The following POFUT2 variants were observed in gnomAD, a reference collection of about 807,000 sequenced individuals.
The protein encoded by POFUT2 is protein O-fucosyltransferase 2.
A neutral mutation model predicts 55.0 loss-of-function variants in POFUT2; 30 were observed. The ratio of observed to expected loss-of-function variants is 0.55; its 90% confidence interval spans 0.41 to 0.74. POFUT2 has a LOEUF of 0.74. POFUT2 is among the 30% of genes least tolerant of loss of function. The pLI, the probability that POFUT2 is intolerant of heterozygous loss-of-function variation, is 0.00. For missense variants in POFUT2, 524 were observed against 562.6 expected (o/e 0.93, Z 0.69); for synonymous variants, 267 against 231.1 (o/e 1.16, Z -1.41).
chr21:45,281,995 G>T lies in POFUT2; in HGVS notation c.638+354C>A, dbSNP rs548624863. On this transcript the variant is annotated intron_variant, in intron 4 of 8. Transcript: ENST00000349485. The surrounding 1 kb of genome is among the most constrained non-coding windows in gnomAD (Gnocchi z 5.0). ...AACAGTGGGTGTTGGGTGTGGGGAG[G>T]GGGGAGGTACTGGTAAAAGCTGCCC... 5.9e-5 allele frequency among the ~76,000 whole-genome samples: 9 copies of T among 152,204 alleles called. No individual in the cohort carries two copies. The East Asian group carries it at 1.4e-3, about 23-fold the overall frequency.
rs2093145320 is a variant in POFUT2, at chr21:45,265,513, TCA to T, written c.1257_1258del (p.Cys419Ter). ...GGTGATCTTCCAGTGGGTGGGTTGC[TCA>T]CACGCCTTCTCTTGGTCTCCGCAGA... On this transcript the variant is annotated stop_gained and frameshift_variant, in exon 9 of 9. Coordinates refer to ENST00000349485, the MANE Select transcript of POFUT2 (RefSeq NM_133635.6). LOFTEE classifies it high-confidence loss of function. The surrounding 1 kb of genome is among the most constrained non-coding windows in gnomAD (Gnocchi z 4.6). The T allele has an allele frequency of 6.2e-7, 1 of 1,613,754 alleles. No individual in the cohort carries two copies. Among genetic ancestry groups the T allele is most frequent in the Non-Finnish European group, 8.5e-7 (1 of 1,179,896 alleles).
intron 7 of POFUT2, among the ~76,000 whole-genome samples, chr21:45,268,556 G>A (rs568388485): frequency 2.0e-5 from 3 of 151,616 alleles, no homozygotes; most frequent in South Asian, 2.1e-4. Flanking sequence ...CTTTCCGGCC[G>A]CCATCACATC....
chr21:45,274,993 C>G (rs2093250227), intron 6 of POFUT2, among the ~76,000 whole-genome samples: 1 of 152,144 alleles, frequency 6.6e-6, no homozygotes, highest in South Asian at 2.1e-4. Flanking sequence ...GCGAACAGCT[C>G]CCAGAGTGGG....
At chr21:45,283,263 G>A (rs2030933322) in intron 3 of POFUT2, 120 bp downstream of exon 3, 1 of 475,458 alleles carries the variant, frequency 2.1e-6, no homozygotes, top group South Asian at 2.1e-5. Context: ...GGGGGGCGGG[G>A]GGCACCCACG....
intron 5 of POFUT2, 37 bp downstream of exon 5, chr21:45,278,066 C>CACTA (rs1569226201): frequency 6.7e-7 from 1 of 1,499,008 alleles, no homozygotes; most frequent in South Asian, 1.1e-5. Flanking sequence ...GGGCAACATA[C>CACTA]ACTAACTGAG....
At chr21:45,287,660 GACCCC>G in intron 1 of POFUT2, 76 bp downstream of exon 1, 1 of 703,070 alleles carries the variant, frequency 1.4e-6, no homozygotes, top group Non-Finnish European at 1.8e-6. Flanking sequence ...CCTGGCCCCT[GACCCC>G]GCCCCGCCCC....
chr21:45,283,250 CA>C, intron 3 of POFUT2, 132 bp downstream of exon 3: 9 of 429,886 alleles, frequency 2.1e-5, no homozygotes, highest in South Asian at 1.3e-4. Context: ...CGGGGTGCTG[CA>C]GGGGGGGCGG....
In POFUT2 at chr21:45,277,307, C is replaced by T; in HGVS notation, c.706-165G>A. The T allele has an allele frequency of 1.1e-6, 1 of 898,590 alleles. No homozygotes were observed. The highest frequency in any genetic ancestry group is 1.6e-6 in the Non-Finnish European group (1 of 612,886). The allele number at this position is 898,590 out of a possible 1,614,324, so 55.7% of individuals were successfully genotyped here. A position where few individuals can be genotyped will look rare whatever the true frequency, so the allele number is the denominator to read the frequency against. On this transcript the variant is annotated intron_variant, in intron 5 of 8. Transcript: ENST00000349485. This position sits in a 1 kb window ranked among gnomAD's most constrained non-coding sequence, Gnocchi z 6.9. ...GAAGCAGCGCCATCCACGGTGGAGG[C>T]TCTTGGAGGGTCTCCTGCATGAAGC...
chr21:45,276,461 G>A (rs1168982446), intron 6 of POFUT2, among the ~76,000 whole-genome samples: 1 of 152,078 alleles, frequency 6.6e-6, no homozygotes, highest in Non-Finnish European at 1.5e-5. Flanking sequence ...AACAGACACT[G>A]AAAATGCTTA....
chr21:45,268,253 G>A (rs1436398336), intron 7 of POFUT2, among the ~76,000 whole-genome samples: 1 of 152,276 alleles, frequency 6.6e-6, no homozygotes, highest in Non-Finnish European at 1.5e-5. Context: ...CCGAGGTGCT[G>A]GGATTGCAGA....
Position 45,266,674 on chromosome 21 carries a change from C to G in POFUT2, c.1136+916G>C, listed in dbSNP as rs1016906282. On this transcript the variant is annotated intron_variant, in intron 8 of 8. Coordinates refer to ENST00000349485, the MANE Select transcript of POFUT2 (RefSeq NM_133635.6). The stretch of plus-strand genomic sequence containing the variant: ...GGGAAAGGGACCCACACCCAGCAGA[C>G]AGCATCACCCGGAGCCTCTGTGGGT... The G allele has an allele frequency of 8.2e-5, 82 of 1,001,026 alleles. No homozygotes were observed. In the African/African-American group the frequency reaches 1.3e-3, roughly 16 times the overall value. 62.0% of individuals were successfully genotyped at this position (1,001,026 alleles called of 1,614,324 possible).
intron 8 of POFUT2, chr21:45,266,318 C>T (rs931013979): frequency 8.8e-6 from 12 of 1,364,394 alleles, no homozygotes; most frequent in South Asian, 1.1e-5. Flanking sequence ...GCAGGCCACA[C>T]AGGCCTGTAT....
In POFUT2 at chr21:45,267,712, T is replaced by C. The variant is rs781551478; in HGVS notation, c.1014A>G (p.Glu338=). The part of the protein sequence containing the change: ...VFVATDAVRK[E]YEELKKLLPE... Reference sequence around the variant, plus strand: ...GTAACAGCTTTTTTAGCTCTTCATATTCTGCAAAGTAGAAGGAGAGACCCT... The same window carrying C: ...GTAACAGCTTTTTTAGCTCTTCATACTCTGCAAAGTAGAAGGAGAGACCCT... Residue 338 remains glutamate, a splice_region_variant and synonymous_variant, in exon 8 of 9, where the codon GAA becomes GAG. Coordinates refer to ENST00000349485, the MANE Select transcript of POFUT2 (RefSeq NM_133635.6). This position sits in a 1 kb window ranked among gnomAD's most constrained non-coding sequence, Gnocchi z 4.4. 3.7e-6 allele frequency: 6 copies of C among 1,613,892 alleles called. No homozygotes were observed. The South Asian group carries it at 6.6e-5, about 18-fold the overall frequency.
intron 7 of POFUT2, 53 bp downstream of exon 7, chr21:45,269,785 TA>T: frequency 2.2e-5 from 33 of 1,503,916 alleles, no homozygotes; most frequent in South Asian, 4.9e-5. Flanking sequence ...GAATTATCAA[TA>T]AAAAAAATAA....
In POFUT2 at chr21:45,285,028, A is replaced by T. The variant is rs2031214299; in HGVS notation, c.382+650T>A. ...CCTTGGCAGGGAGCAAAGGTCTCTA[A>T]GCCCCGAGAGTGGCTGTCGAGTAAG... On this transcript the variant is annotated intron_variant, in intron 2 of 8. Transcript: ENST00000349485. The surrounding 1 kb of genome is among the most constrained non-coding windows in gnomAD (Gnocchi z 4.9). Among the ~76,000 whole-genome samples, 1 of 152,204 alleles carries T rather than the reference A, an allele frequency of 6.6e-6. No homozygotes were observed. Among genetic ancestry groups the T allele is most frequent in the Non-Finnish European group, 1.5e-5 (1 of 68,034 alleles).
chr21:45,279,981 TG>T (rs2030396816), intron 4 of POFUT2, among the ~76,000 whole-genome samples: 1 of 152,202 alleles, frequency 6.6e-6, no homozygotes, highest in Non-Finnish European at 1.5e-5. Context: ...CTGGATTCAG[TG>T]GGTGCCTCCG....
At chr21:45,273,808 C>T (rs1388500770) in intron 6 of POFUT2, among the ~76,000 whole-genome samples, 4 of 152,184 alleles carry the variant, frequency 2.6e-5, no homozygotes, top group Non-Finnish European at 2.9e-5. Context: ...ATAGAAGGGA[C>T]ATACCTCAAG....
rs751110915 is a variant in POFUT2, at chr21:45,265,527, T to C, written c.1245A>G (p.Gln415=). 3.1e-6 allele frequency: 5 copies of C among 1,613,962 alleles called. No homozygotes were observed. Among genetic ancestry groups the C allele is most frequent in the Middle Eastern group, 1.6e-4 (1 of 6,074 alleles). ...KTTYNRFCGD[Q]EKACEQPTHW... is the part of the protein sequence containing the mutation. ...GGGTGGGTTGCTCACACGCCTTCTC[T>C]TGGTCTCCGCAGAACCTGTTGTACG... is the stretch of plus-strand genomic sequence containing the variant. Residue 415 remains glutamine, a synonymous_variant, in exon 9 of 9, where the codon CAA becomes CAG. Coordinates refer to ENST00000349485, the MANE Select transcript of POFUT2 (RefSeq NM_133635.6). This position sits in a 1 kb window ranked among gnomAD's most constrained non-coding sequence, Gnocchi z 4.6.
At chr21:45,274,683 C>G (rs2093247621) in intron 6 of POFUT2, among the ~76,000 whole-genome samples, 1 of 152,108 alleles carries the variant, frequency 6.6e-6, no homozygotes, top group South Asian at 2.1e-4. Flanking sequence ...TGATCTTCGA[C>G]AAAGCAAACA....
Sources: gnomAD v4.1 joint callset for allele counts (sites outside exome capture counted in the v4.1 genomes callset) on GRCh38, gnomAD v4.1.1 for gene constraint, Gnocchi (gnomAD v3.1) non-coding constraint, MANE v1.5 for transcripts, NCBI Gene and HGNC (gene_info 2026-07-23, HGNC 2026-07-21) for gene names.